SPMIP8: variants seen among roughly 807,000 people sequenced by gnomAD.
SPMIP8 encodes sperm microtubule inner protein 8.
At chr16:57,985,621 A>G in the SPMIP8 span, 5 of 1,507,428 alleles carry the variant, frequency 3.3e-6, no homozygotes, top group Non-Finnish European at 4.4e-6. Flanking sequence ...TTCCTAGCGC[A>G]CAGGCAATGC....
the SPMIP8 span, among the ~76,000 whole-genome samples, chr16:57,979,789 A>T: frequency 2.0e-5 from 3 of 152,196 alleles, no homozygotes; most frequent in East Asian, 5.8e-4. Flanking sequence ...AAATTTAGGC[A>T]GGGTACGGTG....
At chr16:57,977,560 AGT>A in the SPMIP8 span, among the ~76,000 whole-genome samples, 110 of 132,656 alleles carry the variant, frequency 8.3e-4, no homozygotes, top group South Asian at 4.0e-3. Flanking sequence ...GCACAATGTG[AGT>A]GTGTGTGTGT....
the SPMIP8 span, chr16:57,986,064 G>C: frequency 1.6e-6 from 2 of 1,275,568 alleles, no homozygotes; most frequent in Non-Finnish European, 2.1e-6. Flanking sequence ...GAGGAGGAGG[G>C]GCCCTCCTGG....
the SPMIP8 span, chr16:57,987,268 C>A: frequency 1.1e-6 from 1 of 906,936 alleles, no homozygotes; most frequent in Non-Finnish European, 1.5e-6. Context: ...AACAGGGAGC[C>A]ACTGAAGTCT....
chr16:57,978,471 C>A, the SPMIP8 span, among the ~76,000 whole-genome samples: 2 of 151,408 alleles, frequency 1.3e-5, no homozygotes, highest in African/African-American at 4.9e-5. Context: ...ACCTGGGAGG[C>A]GGAGGTTGCA....
the SPMIP8 span, among the ~76,000 whole-genome samples, chr16:57,981,130 T>C: frequency 0.023 from 3,561 of 152,100 alleles, 67 homozygotes; most frequent in East Asian, 0.06. Context: ...CCTGTAATTC[T>C]AGCACTTTGG....
chr16:57,987,658 G>A, the SPMIP8 span: 7 of 437,578 alleles, frequency 1.6e-5, no homozygotes, highest in East Asian at 1.1e-4. Flanking sequence ...GCCCGTCCCC[G>A]GCCAACTCCT....
the SPMIP8 span, chr16:57,986,437 C>T: frequency 6.6e-6 from 1 of 152,586 alleles, no homozygotes; most frequent in Non-Finnish European, 1.5e-5. Flanking sequence ...ACTAAGCCAT[C>T]TCTCACCCTC....
At chr16:57,977,638 T>C in the SPMIP8 span, among the ~76,000 whole-genome samples, 2 of 151,744 alleles carry the variant, frequency 1.3e-5, no homozygotes, top group African/African-American at 2.4e-5. Context: ...TCTTCTGTTA[T>C]CTGAATGTTC....
the SPMIP8 span, among the ~76,000 whole-genome samples, chr16:57,982,809 C>T: frequency 6.6e-6 from 1 of 152,182 alleles, no homozygotes; most frequent in Non-Finnish European, 1.5e-5. Flanking sequence ...GTGGACAGAT[C>T]ACTTGAGGTC....
At chr16:57,977,728 G>T in the SPMIP8 span, 5 of 1,419,076 alleles carry the variant, frequency 3.5e-6, no homozygotes, top group Admixed American at 1.9e-5. Context: ...GTAGACATCG[G>T]CACTGGCCAA....
the SPMIP8 span, chr16:57,985,474 C>T: frequency 6.2e-7 from 1 of 1,613,768 alleles, no homozygotes; most frequent in African/African-American, 1.3e-5. Flanking sequence ...CCCTGCTGCC[C>T]GCCTCAGTAC....
chr16:57,978,033 C>T, the SPMIP8 span: 8 of 1,613,548 alleles, frequency 5.0e-6, no homozygotes, highest in African/African-American at 2.7e-5. Context: ...CACCTACTGC[C>T]GCAAAGGTTA....
the SPMIP8 span, chr16:57,986,078 G>A: frequency 1.8e-6 from 2 of 1,116,680 alleles, no homozygotes; most frequent in South Asian, 1.7e-5. Flanking sequence ...CTCCTGGGAG[G>A]GCGCGAGCTG....
the SPMIP8 span, among the ~76,000 whole-genome samples, chr16:57,978,252 T>C: frequency 3.9e-5 from 6 of 152,138 alleles, no homozygotes; most frequent in Admixed American, 3.9e-4. Context: ...TAGAAGGAGA[T>C]AAGGCACAAA....
chr16:57,987,260 C>A, the SPMIP8 span: 1 of 830,980 alleles, frequency 1.2e-6, no homozygotes, highest in Non-Finnish European at 1.7e-6. Flanking sequence ...ATACAGAAAA[C>A]AGGGAGCCAC....
chr16:57,984,676 A>G, the SPMIP8 span: 1 of 1,595,542 alleles, frequency 6.3e-7, no homozygotes, highest in Non-Finnish European at 8.5e-7. Context: ...AACAGGTACC[A>G]CGAGGGAAAG....
At chr16:57,984,787 A>G in the SPMIP8 span, 2 of 1,608,988 alleles carry the variant, frequency 1.2e-6, no homozygotes, top group Non-Finnish European at 1.7e-6. Flanking sequence ...GGGGAGTTCA[A>G]GCTGCCTTGC....
At chr16:57,976,725 G>A in the SPMIP8 span, 2 of 1,472,812 alleles carry the variant, frequency 1.4e-6, no homozygotes, top group Non-Finnish European at 1.9e-6. Flanking sequence ...CCCTAAGGCA[G>A]CTTCCCCATG....
Sources: gnomAD v4.1 joint callset for allele counts (sites outside exome capture counted in the v4.1 genomes callset) on GRCh38, gnomAD v4.1.1 for gene constraint, MANE v1.5 for transcripts, NCBI Gene and HGNC (gene_info 2026-07-23, HGNC 2026-07-21) for gene names.